The following WDR41 variants were observed in gnomAD, a reference collection of about 807,000 sequenced individuals.
WDR41 encodes WD repeat-containing protein 41.
WDR41 carries 63 observed loss-of-function variants against 69.3 expected under a neutral mutation model. The observed-to-expected ratio is 0.91, with a 90% CI of 0.74 to 1.12. The LOEUF is 1.12. Ranked by LOEUF, WDR41 falls within the 50% of genes most tolerant of loss-of-function variation. The pLI is 0.00. For missense variants in WDR41, 543 were observed against 534.5 expected (o/e 1.02, Z -0.16); for synonymous variants, 185 against 192.1 (o/e 0.96, Z 0.31).
chr5:77,583,268 A>T, intron 1 of WDR41: 3 of 606,570 alleles, frequency 4.9e-6, no homozygotes, highest in South Asian at 2.1e-5. Flanking sequence ...TTATCTCAAC[A>T]TTTTAGGAGG....
chr5:77,462,279 C>A (rs926927577), intron 4 of WDR41, among the ~76,000 whole-genome samples: 8 of 151,732 alleles, frequency 5.3e-5, no homozygotes, highest in African/African-American at 1.9e-4. Context: ...CGTGGTGGCA[C>A]AGGCCTGTAA....
intron 1 of WDR41, among the ~76,000 whole-genome samples, chr5:77,559,637 T>C (rs1463703568): frequency 6.6e-6 from 1 of 151,036 alleles, no homozygotes; most frequent in East Asian, 1.9e-4. Flanking sequence ...TTATATATAA[T>C]ATATATTTTC....
rs6883886 is a variant in WDR41 at position 77,456,414 on chromosome 5, C to G, written c.412-2486G>C. Among the ~76,000 whole-genome samples the G allele has an allele frequency of 4.8e-3, 731 of 152,296 alleles. 2 individuals are homozygous for G. Among genetic ancestry groups the G allele is most frequent in the African/African-American group, 0.017 (703 of 41,574 alleles). On this transcript the variant is annotated intron_variant, in intron 5 of 12. Transcript: ENST00000296679. ...TAGTGAATAGAAATACAATTGATTTCTGTGTGTTGATATTATATCCTGAAA... is the reference window on the plus strand; with the variant it reads ...TAGTGAATAGAAATACAATTGATTTGTGTGTGTTGATATTATATCCTGAAA...
intron 7 of WDR41, 30 bp from the exon 8 acceptor site, chr5:77,449,900 T>C: frequency 7.0e-7 from 1 of 1,428,152 alleles, no homozygotes; most frequent in Admixed American, 1.7e-5. Context: ...AAAATTTTAT[T>C]ACAATGCTCT....
intron 1 of WDR41, among the ~76,000 whole-genome samples, chr5:77,519,173 T>C (rs1001859410): frequency 6.6e-6 from 1 of 152,056 alleles, no homozygotes; most frequent in Non-Finnish European, 1.5e-5. Flanking sequence ...TTTATTAGGG[T>C]ATTCTGCCTG....
chr5:77,588,397 A>G (rs1387345391), intron 1 of WDR41, among the ~76,000 whole-genome samples: 1 of 152,206 alleles, frequency 6.6e-6, no homozygotes, highest in Non-Finnish European at 1.5e-5. Flanking sequence ...TTTTTTACAA[A>G]ATGTATTGCT....
At chr5:77,616,220 T>A (rs1362217001) in intron 1 of WDR41, among the ~76,000 whole-genome samples, 2 of 152,054 alleles carry the variant, frequency 1.3e-5, no homozygotes, top group Non-Finnish European at 2.9e-5. Flanking sequence ...TTGCATACTT[T>A]ATACCACACA....
intron 1 of WDR41, among the ~76,000 whole-genome samples, chr5:77,595,302 G>A (rs939227393): frequency 6.6e-6 from 1 of 152,118 alleles, no homozygotes. Context: ...ATGAATATGG[G>A]GGAGAGTTGC....
intron 1 of WDR41, among the ~76,000 whole-genome samples, chr5:77,557,568 A>G (rs1212007797): frequency 6.6e-6 from 1 of 152,226 alleles, no homozygotes; most frequent in African/African-American, 2.4e-5. Flanking sequence ...ATTAAATGTT[A>G]GCGTGAGCCA....
intron 1 of WDR41, among the ~76,000 whole-genome samples, chr5:77,533,710 G>T (rs1301338079): frequency 6.6e-6 from 1 of 152,114 alleles, no homozygotes; most frequent in African/African-American, 2.4e-5. Flanking sequence ...AGGTTCAAAG[G>T]AGAAACAAAA....
At chr5:77,614,654 G>T (rs1188321670) in intron 1 of WDR41, among the ~76,000 whole-genome samples, 2 of 142,690 alleles carry the variant, frequency 1.4e-5, no homozygotes, top group Non-Finnish European at 3.1e-5. Flanking sequence ...TGTGGGGTGG[G>T]GGGGGAGGGG....
chr5:77,434,466 G>A (rs1044682401), intron 12 of WDR41, among the ~76,000 whole-genome samples: 4 of 151,876 alleles, frequency 2.6e-5, no homozygotes, highest in Admixed American at 2.0e-4. Flanking sequence ...ACAGGTAGAG[G>A]GGTTGCGCCA....
chr5:77,600,051 G>T (rs1306968922), intron 1 of WDR41, among the ~76,000 whole-genome samples: 1 of 152,166 alleles, frequency 6.6e-6, no homozygotes, highest in African/African-American at 2.4e-5. Flanking sequence ...AGATACAGCT[G>T]AAGTGATGTC....
At chr5:77,479,806 A>C (rs1174070145) in intron 2 of WDR41, among the ~76,000 whole-genome samples, 2 of 152,154 alleles carry the variant, frequency 1.3e-5, no homozygotes, top group Non-Finnish European at 2.9e-5. Context: ...TGGCTACAAA[A>C]GCCAAAATTG....
chr5:77,560,649 T>C (rs564690606), intron 1 of WDR41, among the ~76,000 whole-genome samples: 4 of 152,290 alleles, frequency 2.6e-5, no homozygotes, highest in Admixed American at 6.5e-5. Context: ...TTTGCGCCGA[T>C]TTCTTTTCAA....
intron 1 of WDR41, among the ~76,000 whole-genome samples, chr5:77,604,545 G>A (rs1037729245): frequency 3.3e-5 from 5 of 152,152 alleles, no homozygotes; most frequent in Non-Finnish European, 5.9e-5. Flanking sequence ...TGTGGAGGAC[G>A]TTTTGTCCTT....
chr5:77,536,585 A>G (rs572269754), intron 1 of WDR41, among the ~76,000 whole-genome samples: 52 of 152,322 alleles, frequency 3.4e-4, no homozygotes, highest in African/African-American at 1.1e-3. Flanking sequence ...ATTTCAGTCA[A>G]TGACAAACCA....
At chr5:77,457,530 A>C (rs1799882108) in intron 5 of WDR41, among the ~76,000 whole-genome samples, 1 of 152,072 alleles carries the variant, frequency 6.6e-6, no homozygotes, top group Admixed American at 6.6e-5. Flanking sequence ...TTTCCTTTAA[A>C]GAGTTTTCTA....
intron 2 of WDR41, among the ~76,000 whole-genome samples, chr5:77,466,822 T>G (rs1230354003): frequency 1.4e-5 from 2 of 145,168 alleles, no homozygotes; most frequent in Non-Finnish European, 3.0e-5. Flanking sequence ...TTTTTTTTTT[T>G]GCCATTTCAG....
Sources: allele counts gnomAD v4.1 joint callset (sites outside exome capture counted in the v4.1 genomes callset), GRCh38; gene constraint gnomAD v4.1.1; transcripts MANE v1.5; gene names NCBI Gene and HGNC (gene_info 2026-07-23, HGNC 2026-07-21).